The following SRP19 variants were observed in gnomAD, a reference collection of about 807,000 sequenced individuals.
The protein encoded by SRP19 is signal recognition particle 19 kDa protein.
Under a neutral mutation model 22.4 loss-of-function variants are expected in SRP19, and 11 were observed. The observed-to-expected ratio is 0.49, with a 90% CI of 0.31 to 0.81. SRP19 has a LOEUF of 0.81. Ranked by LOEUF, SRP19 falls within the 40% of genes least tolerant of loss-of-function variation. The probability of loss-of-function intolerance (pLI) is 0.05; values close to 1 mark genes in which losing one functional copy is unlikely to be tolerated. For missense variants in SRP19, 168 were observed against 175.9 expected, an observed-to-expected ratio of 0.96 and a Z score of 0.25; for synonymous variants, 61 against 57.6, an observed-to-expected ratio of 1.06 and a Z score of -0.27.
intron 4 of SRP19, among the ~76,000 whole-genome samples, chr5:112,875,772 C>G (rs567267237): frequency 6.1e-4 from 92 of 152,030 alleles, no homozygotes; most frequent in Non-Finnish European, 1.1e-3. Flanking sequence ...CAAAGCCAGG[C>G]GCGGTGGCTC....
At chr5:112,876,033 C>CAAA (rs34238552) in intron 4 of SRP19, among the ~76,000 whole-genome samples, 131 of 143,534 alleles carry the variant, frequency 9.1e-4, no homozygotes, top group Middle Eastern at 3.5e-3. Flanking sequence ...GACTCCATCT[C>CAAA]AAAAAAAAAA....
chr5:112,891,915 A>T, exon 5 of SRP19: 2 of 1,306,386 alleles, frequency 1.5e-6, no homozygotes, highest in Admixed American at 1.7e-5. Flanking sequence ...AAGAATTCAG[A>T]ATAAAGAAGG....
intron 4 of SRP19, chr5:112,865,232 T>C (rs541138415): frequency 1.3e-5 from 2 of 152,516 alleles, no homozygotes; most frequent in East Asian, 3.9e-4. Context: ...ATGTTGCTTA[T>C]TGGCATTTTT....
chr5:112,882,573 G>A (rs1015916790), intron 4 of SRP19, among the ~76,000 whole-genome samples: 3 of 152,218 alleles, frequency 2.0e-5, no homozygotes, highest in East Asian at 1.9e-4. Flanking sequence ...ATTCATGAAC[G>A]CAAATCTCAA....
chr5:112,874,968 G>T (rs750267252), intron 4 of SRP19, among the ~76,000 whole-genome samples: 1 of 152,026 alleles, frequency 6.6e-6, no homozygotes, highest in African/African-American at 2.4e-5. Flanking sequence ...GAGAGACAGG[G>T]TTTCACCATG....
At chr5:112,875,075 C>T (rs1046252776) in intron 4 of SRP19, among the ~76,000 whole-genome samples, 5 of 152,218 alleles carry the variant, frequency 3.3e-5, no homozygotes, top group African/African-American at 1.2e-4. Flanking sequence ...CGTGCCCGGC[C>T]CACACCAAAG....
chr5:112,876,953 A>C (rs1408391834), intron 4 of SRP19: 1 of 152,134 alleles, frequency 6.6e-6, no homozygotes, highest in East Asian at 1.9e-4. Context: ...ATATGCTGTC[A>C]ATCTGATTAT....
chr5:112,886,943 G>T (rs1183796142), intron 4 of SRP19: 2 of 1,161,822 alleles, frequency 1.7e-6, no homozygotes, highest in African/African-American at 3.1e-5. Context: ...AGAAGGCCAG[G>T]AAGCCTGTTA....
At chr5:112,881,959 A>T (rs1413777047) in intron 4 of SRP19, 3 of 149,318 alleles carry the variant, frequency 2.0e-5, no homozygotes, top group Admixed American at 1.3e-4. Flanking sequence ...TTTTGTAGAG[A>T]CTGGGTTTCA....
At chr5:112,887,803 T>C (rs1267936845) in intron 4 of SRP19, among the ~76,000 whole-genome samples, 1 of 152,342 alleles carries the variant, frequency 6.6e-6, no homozygotes, top group African/African-American at 2.4e-5. Flanking sequence ...TTTTTTTTAA[T>C]TGACAAGAAT....
chr5:112,883,837 A>C (rs1236006347), intron 4 of SRP19, among the ~76,000 whole-genome samples: 6 of 152,094 alleles, frequency 3.9e-5, no homozygotes, highest in African/African-American at 1.2e-4. Flanking sequence ...TCTCCAGCTC[A>C]GTGGCAATTT....
chr5:112,874,898 C>T (rs1164999343), intron 4 of SRP19, among the ~76,000 whole-genome samples: 1 of 151,972 alleles, frequency 6.6e-6, no homozygotes, highest in Non-Finnish European at 1.5e-5. Context: ...GCCTCAGCCT[C>T]CCAAGTAGCT....
chr5:112,887,040 C>G (rs200322705), intron 4 of SRP19: 4 of 1,612,336 alleles, frequency 2.5e-6, no homozygotes, highest in Non-Finnish European at 3.4e-6. Context: ...CATCTGCAGT[C>G]TCTTTGGCCT....
chr5:112,895,327 G>C (rs1768650041), downstream of SRP19: 1 of 150,948 alleles, frequency 6.6e-6, no homozygotes, highest in Non-Finnish European at 1.5e-5. Context: ...CTCTTCTGCA[G>C]AGTTTTAGGA....
At chr5:112,881,386 A>G (rs1768070804) in intron 4 of SRP19, among the ~76,000 whole-genome samples, 1 of 152,148 alleles carries the variant, frequency 6.6e-6, no homozygotes, top group Non-Finnish European at 1.5e-5. Flanking sequence ...ACTACCACAG[A>G]GCTCTAAAAC....
chr5:112,869,732 A>G lies in SRP19; in HGVS notation c.*2195A>G, dbSNP rs190820279. 3.3e-5 allele frequency: 5 copies of G among 152,064 alleles called. No homozygotes were observed. Among genetic ancestry groups the G allele is most frequent in the African/African-American group, 1.2e-4 (5 of 41,452 alleles). 9.4% of individuals were successfully genotyped at this position (152,064 alleles called of 1,614,324 possible). A position where few individuals can be genotyped will look rare whatever the true frequency, so the allele number is the denominator to read the frequency against. On this transcript the variant is annotated 3_prime_UTR_variant, in exon 5 of 5. Transcript: ENST00000505459. ...TGAGATAATGAGTGACTCTCAGGAG[A>G]TCTGTTGGTTTTATAAGTGCCTGGC...
exon 5 of SRP19, chr5:112,892,830 TG>T (rs1379822547): frequency 1.2e-6 from 2 of 1,612,672 alleles, no homozygotes; most frequent in Non-Finnish European, 1.7e-6. Flanking sequence ...ACAAAAGAAA[TG>T]GGGAATCCGA....
chr5:112,864,211 T>C (rs1391940123), intron 2 of SRP19, among the ~76,000 whole-genome samples: 2 of 152,184 alleles, frequency 1.3e-5, no homozygotes. Flanking sequence ...ATACACTGGT[T>C]AACAAAACAA....
downstream of SRP19, chr5:112,895,237 C>CAAAAAAAGA (rs1768644639): frequency 3.2e-5 from 2 of 62,216 alleles, no homozygotes; most frequent in Admixed American, 4.9e-4. Context: ...GACTCTGTCT[C>CAAAAAAAGA]AAAAAAAAAA....
Sources: allele counts gnomAD v4.1 joint callset (sites outside exome capture counted in the v4.1 genomes callset), GRCh38; gene constraint gnomAD v4.1.1; transcripts MANE v1.5; gene names NCBI Gene and HGNC (gene_info 2026-07-23, HGNC 2026-07-21).